Variants in FSIP1 observed in about 807,000 individuals in gnomAD.
FSIP1 encodes the protein fibrous sheath interacting protein 1.
In FSIP1, 65 loss-of-function variants were observed where a neutral mutation model predicts 60.9. That is an observed-to-expected ratio of 1.07 (90% CI 0.87 to 1.31). The LOEUF (loss-of-function observed/expected upper bound fraction) is 1.31. Ranked by LOEUF, FSIP1 falls within the 40% of genes most tolerant of loss-of-function variation. FSIP1 has a pLI of 0.00. For synonymous variants in FSIP1, 209 were observed against 221.2 expected, an observed-to-expected ratio of 0.94 and a Z score of 0.49; for missense variants, 675 against 665.5, an observed-to-expected ratio of 1.01 and a Z score of -0.16.
chr15:39,650,456 C>A (rs1892818785), intron 10 of FSIP1, among the ~76,000 whole-genome samples: 3 of 152,158 alleles, frequency 2.0e-5, no homozygotes, highest in Admixed American at 2.0e-4. Flanking sequence ...ATTAAGTCCT[C>A]CCTTATGACT....
intron 4 of FSIP1, 68 bp downstream of exon 4, chr15:39,765,524 G>A (rs1486220998): frequency 8.1e-7 from 1 of 1,238,304 alleles, no homozygotes; most frequent in Non-Finnish European, 1.1e-6. Context: ...GATTACAGGT[G>A]TGAGCCACCA....
chr15:39,627,527 C>T (rs1439816313), intron 10 of FSIP1, among the ~76,000 whole-genome samples: 2 of 152,188 alleles, frequency 1.3e-5, no homozygotes. Flanking sequence ...GAGTTACTTT[C>T]CCCCAGAAAG....
chr15:39,737,189 C>A (rs939239886), intron 8 of FSIP1, among the ~76,000 whole-genome samples: 1 of 152,158 alleles, frequency 6.6e-6, no homozygotes, highest in Admixed American at 6.5e-5. Context: ...AGTATGTAAA[C>A]AAGTGCAAAC....
chr15:39,611,131 A>G (rs1891014022), intron 11 of FSIP1, among the ~76,000 whole-genome samples: 1 of 151,388 alleles, frequency 6.6e-6, no homozygotes, highest in African/African-American at 2.5e-5. Context: ...GAGTTAAAAA[A>G]CAAAACTATT....
intron 10 of FSIP1, among the ~76,000 whole-genome samples, chr15:39,711,379 T>C (rs139583313): frequency 6.6e-6 from 1 of 152,228 alleles, no homozygotes; most frequent in East Asian, 1.9e-4. Context: ...CCTAATCACT[T>C]GCCCAAATTC....
intron 10 of FSIP1, among the ~76,000 whole-genome samples, chr15:39,712,580 G>A (rs1250963403): frequency 6.6e-6 from 1 of 152,208 alleles, no homozygotes; most frequent in Non-Finnish European, 1.5e-5. Flanking sequence ...ACAGAATTTA[G>A]TAGGAGACCA....
intron 1 of FSIP1, among the ~76,000 whole-genome samples, chr15:39,780,202 T>A (rs1898205523): frequency 6.6e-6 from 1 of 152,208 alleles, no homozygotes; most frequent in Non-Finnish European, 1.5e-5. Context: ...AATGGCATGG[T>A]GCTTTGCAAC....
chr15:39,713,605 C>T, intron 9 of FSIP1, 24 bp from the exon 10 acceptor site: 2 of 1,520,450 alleles, frequency 1.3e-6, no homozygotes, highest in Non-Finnish European at 1.8e-6. Context: ...AAAAAAAAAA[C>T]ATCATTCACA....
chr15:39,743,028 C>T (rs746514041), intron 5 of FSIP1, among the ~76,000 whole-genome samples: 2 of 152,134 alleles, frequency 1.3e-5, no homozygotes, highest in Non-Finnish European at 2.9e-5. Context: ...AAAGTAGGCT[C>T]AGCAAGTCAG....
intron 10 of FSIP1, among the ~76,000 whole-genome samples, chr15:39,686,731 A>AT (rs1036256632): frequency 5.3e-5 from 8 of 152,228 alleles, no homozygotes; most frequent in African/African-American, 1.9e-4. Flanking sequence ...GTTTTAAAAG[A>AT]TTTTTTAAAA....
chr15:39,708,048 G>A (rs1011447143), intron 10 of FSIP1, among the ~76,000 whole-genome samples: 1 of 152,164 alleles, frequency 6.6e-6, no homozygotes, highest in Non-Finnish European at 1.5e-5. Context: ...CTGTCTTATG[G>A]TGCCTATTCT....
chr15:39,768,935 C>T (rs749943963), intron 3 of FSIP1, among the ~76,000 whole-genome samples: 3 of 152,214 alleles, frequency 2.0e-5, no homozygotes, highest in Non-Finnish European at 4.4e-5. Flanking sequence ...AACCTCTTAA[C>T]ACATTTCATT....
At chr15:39,659,085 T>C (rs1327977806) in intron 10 of FSIP1, among the ~76,000 whole-genome samples, 1 of 152,214 alleles carries the variant, frequency 6.6e-6, no homozygotes, top group Non-Finnish European at 1.5e-5. Context: ...TAATTCCATG[T>C]ATATGAAATG....
chr15:39,716,430 A>G (rs755749170), intron 9 of FSIP1, among the ~76,000 whole-genome samples: 1 of 152,238 alleles, frequency 6.6e-6, no homozygotes, highest in Non-Finnish European at 1.5e-5. Context: ...CCACCAACTG[A>G]GAGAAAATGA....
At chr15:39,646,815 C>A (rs1188429896) in intron 10 of FSIP1, among the ~76,000 whole-genome samples, 1 of 151,686 alleles carries the variant, frequency 6.6e-6, no homozygotes, top group Non-Finnish European at 1.5e-5. Context: ...GATACTGAAA[C>A]AACTGAAATG....
intron 11 of FSIP1, among the ~76,000 whole-genome samples, chr15:39,605,451 T>G (rs921763913): frequency 1.3e-5 from 2 of 152,244 alleles, no homozygotes; most frequent in African/African-American, 4.8e-5. Context: ...GGGATCTTAT[T>G]AAAATGAAAA....
In FSIP1 at chr15:39,690,951, G is replaced by A. The variant is rs573755469; in HGVS notation, c.1188+22493C>T. On this transcript the variant is annotated intron_variant, in intron 10 of 11. Coordinates refer to ENST00000350221, the MANE Select transcript of FSIP1 (RefSeq NM_152597.5). ...CCCCTTGGAGTCCTTTCTTTCCAAG[G>A]GACCTCTGCTGGGACAACATCAATC... is the stretch of plus-strand genomic sequence containing the variant. Among the ~76,000 whole-genome samples, 9 of 152,228 alleles carry A rather than the reference G, an allele frequency of 5.9e-5. No homozygotes were observed. The East Asian group carries it at 1.5e-3, about 26-fold the overall frequency.
chr15:39,642,457 A>G (rs1892411798), intron 10 of FSIP1, among the ~76,000 whole-genome samples: 1 of 152,174 alleles, frequency 6.6e-6, no homozygotes, highest in Non-Finnish European at 1.5e-5. Flanking sequence ...GGCTCTTAGC[A>G]GCCTGTTTCT....
intron 10 of FSIP1, among the ~76,000 whole-genome samples, chr15:39,628,652 A>G (rs1195183034): frequency 6.6e-6 from 1 of 152,170 alleles, no homozygotes; most frequent in Non-Finnish European, 1.5e-5. Flanking sequence ...TCAGCTTGCA[A>G]ACTCTCTCTC....
Sources: gnomAD v4.1 joint callset for allele counts (sites outside exome capture counted in the v4.1 genomes callset) on GRCh38, gnomAD v4.1.1 for gene constraint, MANE v1.5 for transcripts, NCBI Gene and HGNC (gene_info 2026-07-23, HGNC 2026-07-21) for gene names.